The following NCK2 variants were observed in gnomAD, a reference collection of about 807,000 sequenced individuals.
The protein encoded by NCK2 is cytoplasmic protein NCK2.
NCK2 carries 16 observed loss-of-function variants against 33.9 expected under a neutral mutation model. The observed-to-expected ratio is 0.47, with a 90% CI of 0.32 to 0.72. NCK2 has a LOEUF of 0.72. NCK2 is among the 30% of genes least tolerant of loss of function. NCK2 has a pLI of 0.03. For missense variants in NCK2, 418 were observed against 537.3 expected, an observed-to-expected ratio of 0.78 and a Z score of 2.19; for synonymous variants, 273 against 239.9, an observed-to-expected ratio of 1.14 and a Z score of -1.27.
intron 1 of NCK2, among the ~76,000 whole-genome samples, chr2:105,780,964 A>ACAG (rs1423267484): frequency 9.8e-5 from 15 of 152,300 alleles, no homozygotes; most frequent in Admixed American, 5.2e-4. Context: ...ATGGACTACC[A>ACAG]CAGTCACCCA....
At chr2:105,885,163 G>A (rs1678671935) in intron 4 of NCK2, among the ~76,000 whole-genome samples, 1 of 152,194 alleles carries the variant, frequency 6.6e-6, no homozygotes, top group Non-Finnish European at 1.5e-5. Flanking sequence ...ATCACAACTA[G>A]GATATGGTTG....
In NCK2 at chr2:105,834,635, T is replaced by G. The variant is rs552626327; in HGVS notation, c.-17+18022T>G. On this transcript the variant is annotated intron_variant, in intron 2 of 4. Coordinates refer to ENST00000233154, the MANE Select transcript of NCK2 (RefSeq NM_003581.5). ...ATATCTTTTAATTGGGAAATTTAATTCATTTACATTAAAGGGTTTTTTTTT... is the reference window on the plus strand; with the variant it reads ...ATATCTTTTAATTGGGAAATTTAATGCATTTACATTAAAGGGTTTTTTTTT... Among the ~76,000 whole-genome samples, 10 of 141,658 alleles carry G rather than the reference T, an allele frequency of 7.1e-5. No individual in the cohort carries two copies. In the South Asian group the frequency reaches 2.4e-3, roughly 33 times the overall value. The allele number at this position is 141,658 out of a possible 152,430, so 92.9% of individuals were successfully genotyped here.
intron 1 of NCK2, among the ~76,000 whole-genome samples, chr2:105,767,305 G>A (rs546258333): frequency 1.3e-5 from 2 of 152,198 alleles, no homozygotes; most frequent in African/African-American, 2.4e-5. Flanking sequence ...TGTCTGATAT[G>A]AGCTTAGAAG....
chr2:105,761,516 G>A (rs909252200), intron 1 of NCK2, among the ~76,000 whole-genome samples: 1 of 152,182 alleles, frequency 6.6e-6, no homozygotes, highest in African/African-American at 2.4e-5. Flanking sequence ...ACAGATGAGA[G>A]AGACTCTGTT....
In NCK2 at chr2:105,881,939, T is replaced by C; in HGVS notation, c.838T>C (p.Phe280Leu). 3 of 1,559,378 alleles carry C rather than the reference T, an allele frequency of 1.9e-6. No individual in the cohort carries two copies. Among genetic ancestry groups the C allele is most frequent in the Non-Finnish European group, 2.6e-6 (3 of 1,153,884 alleles). The change falls in exon 4 of 5, where the codon TTC becomes CTC. Residue 280 changes from phenylalanine to leucine, a missense_variant. Coordinates refer to ENST00000233154, the MANE Select transcript of NCK2 (RefSeq NM_003581.5). Reference protein sequence around the residue: ...SYTGPSSSGRFAGREWYYGNV... With the variant: ...SYTGPSSSGRLAGREWYYGNV... ...CACCGGGCCCTCGTCCAGCGGGCGC[T>C]TCGCGGGCAGAGAGTGGTACTACGG... is the stretch of plus-strand genomic sequence containing the variant.
intron 1 of NCK2, among the ~76,000 whole-genome samples, chr2:105,795,494 T>C (rs1019760517): frequency 1.4e-4 from 22 of 152,248 alleles, no homozygotes; most frequent in Admixed American, 4.6e-4. Flanking sequence ...TTGAGTCATA[T>C]TCCAAAAGAG....
chr2:105,851,726 A>G (rs2104575079), intron 2 of NCK2: 1 of 152,442 alleles, frequency 6.6e-6, no homozygotes, highest in East Asian at 1.9e-4. Context: ...GCAGTGAGGC[A>G]GTTGTTGATT....
At chr2:105,885,542 G>A (rs189599896) in intron 4 of NCK2, among the ~76,000 whole-genome samples, 5 of 152,184 alleles carry the variant, frequency 3.3e-5, no homozygotes, top group Non-Finnish European at 2.9e-5. Context: ...CTAACTGTAT[G>A]TAGTGTGTAT....
chr2:105,768,253 A>G (rs11694185), intron 1 of NCK2, among the ~76,000 whole-genome samples: 51,261 of 152,216 alleles, frequency 0.34, 9,760 homozygotes, highest in East Asian at 0.46. Flanking sequence ...AGCTGGACTC[A>G]CCACCCCTTG....
chr2:105,824,142 G>A (rs925185647), intron 2 of NCK2, among the ~76,000 whole-genome samples: 6 of 152,026 alleles, frequency 3.9e-5, no homozygotes, highest in Admixed American at 3.3e-4. Context: ...TCCATTTTGG[G>A]TTTTGCTTGT....
intron 2 of NCK2, among the ~76,000 whole-genome samples, chr2:105,849,076 A>G (rs1676961498): frequency 6.6e-6 from 1 of 152,134 alleles, no homozygotes; most frequent in Non-Finnish European, 1.5e-5. Context: ...CCCTGCGTAT[A>G]TTTTGAATTA....
chr2:105,762,480 C>T (rs1454555026), intron 1 of NCK2, among the ~76,000 whole-genome samples: 1 of 152,102 alleles, frequency 6.6e-6, no homozygotes, highest in East Asian at 1.9e-4. Context: ...AGGGTCTTGA[C>T]GTAGTGTGAA....
chr2:105,879,455 G>A (rs984598760), intron 3 of NCK2, among the ~76,000 whole-genome samples: 4 of 152,356 alleles, frequency 2.6e-5, no homozygotes, highest in Non-Finnish European at 5.9e-5. Flanking sequence ...CCTATGAAAG[G>A]ATGAGTTCTC....
intron 3 of NCK2, among the ~76,000 whole-genome samples, chr2:105,878,963 G>A (rs930821985): frequency 2.6e-5 from 4 of 152,198 alleles, no homozygotes; most frequent in African/African-American, 7.2e-5. Context: ...CTCAGTGGCT[G>A]TATTAATTAG....
chr2:105,843,750 G>A (rs535567144), intron 2 of NCK2, among the ~76,000 whole-genome samples: 26 of 152,314 alleles, frequency 1.7e-4, no homozygotes, highest in African/African-American at 5.5e-4. Context: ...GATGGAATAC[G>A]TTAATTAGTA....
rs748435528 is a variant in NCK2, at chr2:105,881,662, G to T, written c.561G>T (p.Ser187=). The T allele has an allele frequency of 2.5e-6, 4 of 1,613,168 alleles. No individual in the cohort carries two copies. Among genetic ancestry groups the T allele is most frequent in the East Asian group, 2.2e-5 (1 of 44,854 alleles). The change falls in exon 4 of 5, where the codon TCG becomes TCT. Residue 187 remains serine, a synonymous_variant. Transcript: ENST00000233154. The part of the protein sequence containing the change: ...PSFLSLRKGA[S]LSNGQGSRVL... ...TCCTGAGCCTGCGCAAGGGCGCCTC[G>T]CTGAGCAATGGCCAGGGCTCCCGCG...
At chr2:105,811,739 C>T (rs1675299719) in intron 1 of NCK2, among the ~76,000 whole-genome samples, 1 of 152,164 alleles carries the variant, frequency 6.6e-6, no homozygotes. Context: ...AGCCCGCTGC[C>T]ACTGGACTCT....
In NCK2 at chr2:105,881,594, G is replaced by A. The variant is rs372651078; in HGVS notation, c.493G>A (p.Val165Ile). 1.9e-6 allele frequency: 3 copies of A among 1,613,714 alleles called. No homozygotes were observed. The highest frequency in any genetic ancestry group is 1.7e-5 in the Admixed American group (1 of 60,016). Residue 165 changes from valine to isoleucine, a missense_variant, in exon 4 of 5, where the codon GTC (valine) becomes ATC (isoleucine). By Grantham distance (29) the Val-to-Ile change is conservative. Transcript: ENST00000233154. ...GQIGWFPSNYVLEEVDEAAAE... is the reference protein window; with the variant it reads ...GQIGWFPSNYILEEVDEAAAE... ...GATCGGCTGGTTCCCCTCCAACTAC[G>A]TCTTGGAGGAGGTGGACGAGGCGGC...
chr2:105,772,366 A>T (rs1346993518), intron 1 of NCK2, among the ~76,000 whole-genome samples: 1 of 152,148 alleles, frequency 6.6e-6, no homozygotes, highest in African/African-American at 2.4e-5. Context: ...TTTGGTCAGG[A>T]TAAGAACCTA....
Sources: gnomAD v4.1 joint callset for allele counts (sites outside exome capture counted in the v4.1 genomes callset) on GRCh38, gnomAD v4.1.1 for gene constraint, MANE v1.5 for transcripts, NCBI Gene and HGNC (gene_info 2026-07-23, HGNC 2026-07-21) for gene names.